The following ZNRF3 variants were observed in gnomAD, a reference collection of about 807,000 sequenced individuals.
The protein encoded by ZNRF3 is E3 ubiquitin-protein ligase ZNRF3.
A neutral mutation model predicts 72.5 loss-of-function variants in ZNRF3; 23 were observed. The observed-to-expected ratio is 0.32, with a 90% confidence interval of 0.23 to 0.45. The LOEUF (loss-of-function observed/expected upper bound fraction) is 0.45. Ranked by LOEUF, ZNRF3 falls within the 20% of genes least tolerant of loss-of-function variation. The probability of loss-of-function intolerance (pLI) is 1.00; values close to 1 mark genes in which losing one functional copy is unlikely to be tolerated. For synonymous variants in ZNRF3, 610 were observed against 545.3 expected, an observed-to-expected ratio of 1.12 and a Z score of -1.65; for missense variants, 1,169 against 1,272.1, an observed-to-expected ratio of 0.92 and a Z score of 1.23.
At position 28,966,822 on chromosome 22, in the gene ZNRF3, A is replaced by G. The variant is rs188849738; in HGVS notation, c.301-20254A>G. Among the ~76,000 whole-genome samples the G allele has an allele frequency of 2.7e-4, 41 of 151,386 alleles. No individual in the cohort carries two copies. The East Asian group carries it at 6.8e-3, about 25-fold the overall frequency. On this transcript the variant is annotated intron_variant, in intron 1 of 8. Coordinates refer to ENST00000544604, the MANE Select transcript of ZNRF3 (RefSeq NM_001206998.2). ...TATTGAAGAAAGGAAAGTATTTTTT[A>G]TAAATTTAGTGTAGCCTAAGTTACA...
In ZNRF3 at chr22:28,955,045, T is replaced by G. The variant is rs1050684427; in HGVS notation, c.301-32031T>G. ...GGTATTTTTGGTGTTTTTTTTTTTTTGTTTTTTTTTTTTGAGACAAGGTCT... is the reference window on the plus strand; with the variant it reads ...GGTATTTTTGGTGTTTTTTTTTTTTGGTTTTTTTTTTTTGAGACAAGGTCT... On this transcript the variant is annotated intron_variant, in intron 1 of 8. Coordinates refer to ENST00000544604, the MANE Select transcript of ZNRF3 (RefSeq NM_001206998.2). Among the ~76,000 whole-genome samples the G allele has an allele frequency of 6.3e-3, 920 of 145,800 alleles. 8 individuals carry two copies. Among genetic ancestry groups the G allele is most frequent in the African/African-American group, 0.023 (887 of 39,242 alleles).
intron 2 of ZNRF3, among the ~76,000 whole-genome samples, chr22:29,000,284 A>G (rs1351570193): frequency 2.0e-5 from 3 of 152,232 alleles, no homozygotes; most frequent in Admixed American, 6.5e-5. Context: ...ATATAAAGGT[A>G]TGTGGTCTTT....
chr22:28,891,160 C>T (rs1468243579), intron 1 of ZNRF3, among the ~76,000 whole-genome samples: 1 of 152,092 alleles, frequency 6.6e-6, no homozygotes, highest in Non-Finnish European at 1.5e-5. Context: ...AGATTCAGTC[C>T]TTTAATGTGT....
chr22:29,027,450 TGTTGGCCA>T (rs1401414497), intron 2 of ZNRF3, among the ~76,000 whole-genome samples: 1 of 152,104 alleles, frequency 6.6e-6, no homozygotes. Flanking sequence ...GGTTTCACCA[TGTTGGCCA>T]GGCTGGTCTC....
chr22:28,945,963 G>A lies in ZNRF3; in HGVS notation c.301-41113G>A, dbSNP rs992400919. ...ATATTCCAAGTTCTTCAGTGGTCAG[G>A]TATCACAGATTGTGTATCCTTAATC... is the stretch of plus-strand genomic sequence containing the variant. On this transcript the variant is annotated intron_variant, in intron 1 of 8. Transcript: ENST00000544604. 4.6e-5 allele frequency among the ~76,000 whole-genome samples: 7 copies of A among 152,260 alleles called. 1 individual carries two copies. In the South Asian group the frequency reaches 1.5e-3, roughly 32 times the overall value.
chr22:28,947,655 A>G (rs1299817281), intron 1 of ZNRF3, among the ~76,000 whole-genome samples: 1 of 152,168 alleles, frequency 6.6e-6, no homozygotes, highest in Non-Finnish European at 1.5e-5. Context: ...GGCCATTCAT[A>G]TACCTTCTTT....
intron 1 of ZNRF3, among the ~76,000 whole-genome samples, chr22:28,979,458 G>A (rs1266052145): frequency 1.3e-5 from 2 of 152,146 alleles, no homozygotes; most frequent in African/African-American, 2.4e-5. Context: ...CCACCCCAGC[G>A]TTCTTGGGCT....
chr22:29,049,862 C>T lies in ZNRF3; in HGVS notation c.1681C>T (p.His561Tyr), dbSNP rs1304685125. ...CAGCAGCAGCAGCTCCGGCCAGTGCCACTGTTCCTCCAGTGACTCTGTGGT... is the reference window on the plus strand; with the variant it reads ...CAGCAGCAGCAGCTCCGGCCAGTGCTACTGTTCCTCCAGTGACTCTGTGGT... Reference protein sequence around the residue: ...SSSSSSSGQCHCSSSDSVVDC... With the variant: ...SSSSSSSGQCYCSSSDSVVDC... Residue 561 changes from histidine (H) to tyrosine (Y), a missense_variant, in exon 8 of 9, where the codon CAC becomes TAC. Physicochemically the swap from His to Tyr is moderately conservative, Grantham distance 83. Coordinates refer to ENST00000544604, the MANE Select transcript of ZNRF3 (RefSeq NM_001206998.2). The surrounding 1 kb of genome is among the most constrained non-coding windows in gnomAD (Gnocchi z 5.2). 7 of 1,606,168 alleles carry T rather than the reference C, an allele frequency of 4.4e-6. No individual in the cohort carries two copies. Among genetic ancestry groups the T allele is most frequent in the Non-Finnish European group, 6.0e-6 (7 of 1,175,904 alleles).
At chr22:28,966,184 T>A (rs1400765643) in intron 1 of ZNRF3, among the ~76,000 whole-genome samples, 1 of 152,214 alleles carries the variant, frequency 6.6e-6, no homozygotes, top group African/African-American at 2.4e-5. Flanking sequence ...TCTCAGGTCC[T>A]TGTCTAACGA....
chr22:29,010,201 A>G (rs4404379), intron 2 of ZNRF3, among the ~76,000 whole-genome samples: 73,548 of 151,662 alleles, frequency 0.48, 18,028 homozygotes, highest in Non-Finnish European at 0.51. Context: ...GAGCCACCGC[A>G]CCCAGCCCCT....
At chr22:28,889,117 A>T (rs1240029644) in intron 1 of ZNRF3, among the ~76,000 whole-genome samples, 1 of 151,844 alleles carries the variant, frequency 6.6e-6, no homozygotes, top group Non-Finnish European at 1.5e-5. Context: ...CCCGTCTCAA[A>T]AAAAAAAGAA....
intron 1 of ZNRF3, among the ~76,000 whole-genome samples, chr22:28,934,374 C>T (rs2034780743): frequency 6.6e-6 from 1 of 152,190 alleles, no homozygotes; most frequent in Non-Finnish European, 1.5e-5. Context: ...AGCCATCGCT[C>T]AACTCTCTTG....
rs2036123414 is a variant in ZNRF3, at chr22:29,000,513, AT to A, written c.426+13314del. On this transcript the variant is annotated intron_variant, in intron 2 of 8. Transcript: ENST00000544604. ...GTGTTTTCTAATTTTTTAAGTTTTA[AT>A]TGATGAAATCTTAACATCTTTTAGA... is the stretch of plus-strand genomic sequence containing the variant. Among the ~76,000 whole-genome samples, 10 of 152,294 alleles carry A rather than the reference AT, an allele frequency of 6.6e-5. No homozygotes were observed. The South Asian group carries it at 1.7e-3, about 25-fold the overall frequency.
At chr22:28,973,702 C>G (rs2035616272) in intron 1 of ZNRF3, among the ~76,000 whole-genome samples, 1 of 152,060 alleles carries the variant, frequency 6.6e-6, no homozygotes, top group Admixed American at 6.6e-5. Context: ...GGTTACTTGG[C>G]AAATGTTGAA....
At chr22:28,895,974 G>A (rs1391046017) in intron 1 of ZNRF3, among the ~76,000 whole-genome samples, 2 of 152,100 alleles carry the variant, frequency 1.3e-5, no homozygotes, top group Admixed American at 6.5e-5. Flanking sequence ...GGTCTGAGGC[G>A]GAGTCTTGCT....
At chr22:28,944,970 A>C (rs542455806) in intron 1 of ZNRF3, among the ~76,000 whole-genome samples, 4 of 150,932 alleles carry the variant, frequency 2.7e-5, no homozygotes, top group Admixed American at 2.6e-4. Flanking sequence ...AATAATAATA[A>C]TACTCATACT....
intron 1 of ZNRF3, among the ~76,000 whole-genome samples, chr22:28,920,737 T>C (rs749486795): frequency 2.6e-5 from 4 of 152,258 alleles, no homozygotes; most frequent in Non-Finnish European, 5.9e-5. Flanking sequence ...GCTCTGTAAC[T>C]GCAGCTTTGT....
At chr22:28,992,912 C>T (rs1189593835) in intron 2 of ZNRF3, 3 of 152,088 alleles carry the variant, frequency 2.0e-5, no homozygotes, top group Non-Finnish European at 4.4e-5. Context: ...GCAGGTTTTA[C>T]AGAGTGGGGG....
intron 8 of ZNRF3, among the ~76,000 whole-genome samples, chr22:29,052,272 C>G (rs2037220268): frequency 6.6e-6 from 1 of 152,242 alleles, no homozygotes; most frequent in South Asian, 2.1e-4. Flanking sequence ...GAGGCAATAA[C>G]CTCTGACTGA....
Sources: allele counts gnomAD v4.1 joint callset (sites outside exome capture counted in the v4.1 genomes callset), GRCh38; gene constraint gnomAD v4.1.1; non-coding constraint Gnocchi (gnomAD v3.1); transcripts MANE v1.5; gene names NCBI Gene and HGNC (gene_info 2026-07-23, HGNC 2026-07-21).